TNNI3K: variants seen among roughly 807,000 people sequenced by gnomAD.
TNNI3K encodes serine/threonine-protein kinase TNNI3K.
In TNNI3K, 140 loss-of-function variants were observed where a neutral mutation model predicts 114.5. The ratio of observed to expected loss-of-function variants is 1.22; its 90% confidence interval spans 1.07 to 1.41. The LOEUF is 1.41. Ranked by LOEUF, TNNI3K falls within the 40% of genes most tolerant of loss-of-function variation. TNNI3K has a pLI of 0.00. For synonymous variants in TNNI3K, 347 were observed against 347.5 expected, an observed-to-expected ratio of 1.00 and a Z score of 0.02; for missense variants, 1,125 against 1,007.6, an observed-to-expected ratio of 1.12 and a Z score of -1.58.
At chr1:74,539,738 GATATT>G (rs772810183) in intron 23 of TNNI3K, among the ~76,000 whole-genome samples, 141 of 151,710 alleles carry the variant, frequency 9.3e-4, no homozygotes, top group Non-Finnish European at 1.2e-3. Flanking sequence ...ATAAGGAAAT[GATATT>G]ATATTATATG....
intron 17 of TNNI3K, among the ~76,000 whole-genome samples, chr1:74,434,008 A>G (rs1303338399): frequency 6.6e-6 from 1 of 152,048 alleles, no homozygotes; most frequent in African/African-American, 2.4e-5. Flanking sequence ...AACTGCTCTC[A>G]GATATTTTGA....
intron 4 of TNNI3K, among the ~76,000 whole-genome samples, chr1:74,253,650 AGCCCAC>A (rs751341191): frequency 2.0e-5 from 3 of 152,010 alleles, no homozygotes; most frequent in East Asian, 1.9e-4. Flanking sequence ...GGGCCCGCCA[AGCCCAC>A]GCCCACGCCC....
intron 20 of TNNI3K, 142 bp from the exon 21 acceptor site, chr1:74,463,299 G>C (rs1214170732): frequency 3.8e-6 from 3 of 792,632 alleles, no homozygotes; most frequent in African/African-American, 3.4e-5. Flanking sequence ...ACCATTGGGG[G>C]AAAAAAGCCT....
intron 5 of TNNI3K, among the ~76,000 whole-genome samples, chr1:74,311,536 T>G (rs968187306): frequency 6.6e-6 from 1 of 152,156 alleles, no homozygotes; most frequent in Non-Finnish European, 1.5e-5. Context: ...ATATGAAACA[T>G]GAAATATGAC....
chr1:74,416,512 G>A (rs1665122026), intron 17 of TNNI3K: 2 of 985,014 alleles, frequency 2.0e-6, no homozygotes, highest in African/African-American at 1.7e-5. Flanking sequence ...GTGACAGTGG[G>A]AAGGTGGCTT....
intron 9 of TNNI3K, among the ~76,000 whole-genome samples, chr1:74,350,921 T>A (rs1389929448): frequency 1.3e-5 from 2 of 152,036 alleles, no homozygotes; most frequent in African/African-American, 2.4e-5. Context: ...TCTTTATCCA[T>A]TTTGCCAGTC....
rs556091465 is a variant in TNNI3K at position 74,440,542 on chromosome 1, G to A, written c.2011+920G>A. On this transcript the variant is annotated intron_variant, in intron 20 of 24. Transcript: ENST00000326637. ...ATGAGTACTCATGTACAGAGAGGTA[G>A]CCACATCTCATCTCATACTCTATTT... 7.2e-5 allele frequency among the ~76,000 whole-genome samples: 11 copies of A among 152,138 alleles called. No individual in the cohort carries two copies. In the South Asian group the frequency reaches 1.5e-3, roughly 20 times the overall value.
chr1:74,314,709 T>A (rs1659207396), intron 5 of TNNI3K, among the ~76,000 whole-genome samples: 1 of 152,164 alleles, frequency 6.6e-6, no homozygotes, highest in South Asian at 2.1e-4. Flanking sequence ...ATCAAAGTCA[T>A]AATAAAATGA....
intron 4 of TNNI3K, among the ~76,000 whole-genome samples, chr1:74,270,902 A>G (rs1242671112): frequency 2.0e-5 from 3 of 151,672 alleles, no homozygotes; most frequent in Admixed American, 6.6e-5. Context: ...ATATTATTTC[A>G]TGTATCTCCA....
chr1:74,541,456 T>C (rs1646725746), intron 24 of TNNI3K: 1 of 152,192 alleles, frequency 6.6e-6, no homozygotes, highest in Admixed American at 6.6e-5. Context: ...ACAGATCCTT[T>C]TGAGGGGGAA....
At chr1:74,309,381 A>AAAAAAAAAG (rs1553129785) in intron 5 of TNNI3K, among the ~76,000 whole-genome samples, 8 of 144,030 alleles carry the variant, frequency 5.6e-5, no homozygotes, top group African/African-American at 2.2e-4. Flanking sequence ...AAAAAAAAAA[A>AAAAAAAAAG]GAAGAGATAA....
intron 23 of TNNI3K, 33 bp downstream of exon 23, chr1:74,492,299 A>T (rs754005856): frequency 1.4e-6 from 2 of 1,453,782 alleles, no homozygotes; most frequent in Non-Finnish European, 1.8e-6. Flanking sequence ...CTCACAGTAA[A>T]GTCTTATTTC....
chr1:74,520,703 G>A (rs1026108437), intron 23 of TNNI3K, among the ~76,000 whole-genome samples: 1 of 152,046 alleles, frequency 6.6e-6, no homozygotes, highest in Non-Finnish European at 1.5e-5. Context: ...AAAAGAGAAG[G>A]AAGGGAGGCC....
At chr1:74,248,026 C>T (rs1191566428) in intron 2 of TNNI3K, among the ~76,000 whole-genome samples, 7 of 152,152 alleles carry the variant, frequency 4.6e-5, no homozygotes, top group South Asian at 2.1e-4. Context: ...TTGGGCATGG[C>T]GGGCTGCAGG....
At chr1:74,463,615 C>T in intron 21 of TNNI3K, 65 bp downstream of exon 21, 1 of 1,556,414 alleles carries the variant, frequency 6.4e-7, no homozygotes, top group South Asian at 1.1e-5. Context: ...AATAGTATAA[C>T]TCCAAAGTCT....
intron 2 of TNNI3K, among the ~76,000 whole-genome samples, chr1:74,248,356 A>C (rs1439225550): frequency 6.6e-6 from 1 of 152,136 alleles, no homozygotes; most frequent in Non-Finnish European, 1.5e-5. Flanking sequence ...AGGGGCTCCC[A>C]CAGTGCAGTG....
chr1:74,367,160 G>A (rs1175140803), intron 11 of TNNI3K, 96 bp from the exon 12 acceptor site: 6 of 1,199,630 alleles, frequency 5.0e-6, no homozygotes, highest in Non-Finnish European at 6.0e-6. Context: ...TTTGTCCTAT[G>A]TTGTAAGCTA....
intron 5 of TNNI3K, among the ~76,000 whole-genome samples, chr1:74,278,060 T>C (rs1557469408): frequency 6.6e-6 from 1 of 152,208 alleles, no homozygotes; most frequent in Non-Finnish European, 1.5e-5. Flanking sequence ...TAAGTTATTT[T>C]TTAATAATCG....
intron 17 of TNNI3K, among the ~76,000 whole-genome samples, chr1:74,396,732 G>A (rs539874562): frequency 4.6e-5 from 7 of 152,136 alleles, no homozygotes; most frequent in South Asian, 2.1e-4. Context: ...AGGGATTAGA[G>A]TCCACTCCTA....
Sources: allele counts gnomAD v4.1 joint callset (sites outside exome capture counted in the v4.1 genomes callset), GRCh38; gene constraint gnomAD v4.1.1; transcripts MANE v1.5; gene names NCBI Gene and HGNC (gene_info 2026-07-23, HGNC 2026-07-21).